SEC23IP: variants seen among roughly 807,000 people sequenced by gnomAD.
The protein encoded by SEC23IP is SEC23 interacting protein.
A neutral mutation model predicts 113.4 loss-of-function variants in SEC23IP; 70 were observed. The ratio of observed to expected loss-of-function variants is 0.62; its 90% CI spans 0.51 to 0.75. The LOEUF is 0.75. Among genes scored for constraint, SEC23IP ranks in the 30% least tolerant of loss-of-function variants. The probability of loss-of-function intolerance (pLI) is 0.00; values close to 1 mark genes in which losing one functional copy is unlikely to be tolerated. For missense variants in SEC23IP, 1,160 were observed against 1,204.9 expected, an observed-to-expected ratio of 0.96 and a Z score of 0.55; for synonymous variants, 398 against 421.0, an observed-to-expected ratio of 0.95 and a Z score of 0.67.
chr10:119,933,223 A>C lies in SEC23IP; in HGVS notation c.2921+56A>C, dbSNP rs1198330715. On this transcript the variant is annotated intron_variant, in intron 17 of 18. Coordinates refer to ENST00000369075, the MANE Select transcript of SEC23IP (RefSeq NM_007190.4). ...GTGGGCTTTTGGTGCTAGCACGTGC[A>C]GCAATTTTAGTTTTAGTGAGATTCT... 4 of 1,447,806 alleles carry C rather than the reference A, an allele frequency of 2.8e-6. No homozygotes were observed. In the East Asian group the frequency reaches 9.1e-5, roughly 33 times the overall value. 89.7% of individuals were successfully genotyped at this position (1,447,806 alleles called of 1,614,324 possible).
intron 2 of SEC23IP, among the ~76,000 whole-genome samples, chr10:119,899,822 A>G (rs1854417216): frequency 6.6e-6 from 1 of 152,236 alleles, no homozygotes; most frequent in Non-Finnish European, 1.5e-5. Flanking sequence ...TTAAAAAATG[A>G]TAATTTCAAA....
At position 119,911,720 on chromosome 10, in the gene SEC23IP, C is replaced by T. The variant is rs996910251; in HGVS notation, c.1192-324C>T. Reference sequence around the variant, plus strand: ...GAACGCCTGGGCTCAAGTGATCCTCCCACCTCAGCCTCCCAAAGTGCTGGG... The same window carrying T: ...GAACGCCTGGGCTCAAGTGATCCTCTCACCTCAGCCTCCCAAAGTGCTGGG... On this transcript the variant is annotated intron_variant, in intron 5 of 18. Transcript: ENST00000369075. Among the ~76,000 whole-genome samples, 6 of 152,130 alleles carry T rather than the reference C, an allele frequency of 3.9e-5. No homozygotes were observed. In the East Asian group the frequency reaches 1.2e-3, roughly 29 times the overall value.
chr10:119,898,301 G>A (rs1564903500), intron 1 of SEC23IP, 126 bp from the exon 2 acceptor site: 1 of 1,348,488 alleles, frequency 7.4e-7, no homozygotes, highest in African/African-American at 1.5e-5. Context: ...GTTTTTTTCT[G>A]TAATGCAGAA....
At position 119,943,528 on chromosome 10, in the gene SEC23IP, T is replaced by C. The variant is rs983505566; in HGVS notation, c.*2963T>C. On this transcript the variant is annotated 3_prime_UTR_variant, in exon 19 of 19. Coordinates refer to ENST00000369075, the MANE Select transcript of SEC23IP (RefSeq NM_007190.4). Reference sequence around the variant, plus strand: ...TTGCTTGAACCCAGGAGGTGGAGGTTGCAGTGAGTTGGGATCTCGCCACTG... The same window carrying C: ...TTGCTTGAACCCAGGAGGTGGAGGTCGCAGTGAGTTGGGATCTCGCCACTG... 2.0e-5 allele frequency: 3 copies of C among 152,168 alleles called. No homozygotes were observed. The highest frequency in any genetic ancestry group is 7.2e-5 in the African/African-American group (3 of 41,412). The allele number at this position is 152,168 out of a possible 1,614,324, so 9.4% of individuals were successfully genotyped here.
Position 119,897,937 on chromosome 10 carries a change from G to A in SEC23IP, c.164-490G>A, listed in dbSNP as rs183287100. Among the ~76,000 whole-genome samples the A allele has an allele frequency of 7.9e-5, 12 of 151,374 alleles. No individual in the cohort carries two copies. The South Asian group carries it at 1.2e-3, about 16-fold the overall frequency. On this transcript the variant is annotated intron_variant, in intron 1 of 18. Transcript: ENST00000369075. ...GGAGAATGGCGTGAACCTGGGAGGC[G>A]GAGCTTGCAGTGAGCTGAGATTGCG...
chr10:119,910,807 G>A (rs190572737), intron 5 of SEC23IP, among the ~76,000 whole-genome samples: 83 of 151,556 alleles, frequency 5.5e-4, no homozygotes, highest in African/African-American at 9.0e-4. Context: ...TCAGCCTCCC[G>A]AGTAGCTAGG....
intron 11 of SEC23IP, 91 bp downstream of exon 11, chr10:119,919,687 C>T (rs1855180897): frequency 1.0e-6 from 1 of 996,372 alleles, no homozygotes; most frequent in Non-Finnish European, 1.4e-6. Context: ...TCAAAATACA[C>T]TCCAGAGTAG....
At chr10:119,898,399 A>G (rs1193006926) in intron 1 of SEC23IP, 28 bp from the exon 2 acceptor site, 19 of 1,586,028 alleles carry the variant, frequency 1.2e-5, no homozygotes, top group Middle Eastern at 1.7e-4. Flanking sequence ...GTACCCTTTA[A>G]ACCACATGCT....
chr10:119,924,399 GCTTTTCT>G (rs1855352063), intron 12 of SEC23IP, among the ~76,000 whole-genome samples: 2 of 151,874 alleles, frequency 1.3e-5, no homozygotes, highest in Non-Finnish European at 2.9e-5. Flanking sequence ...AGTGTGAATG[GCTTTTCT>G]CTCGTTATAG....
Position 119,918,654 on chromosome 10 carries a change from G to A in SEC23IP, c.1872+143G>A, listed in dbSNP as rs1441513565. On this transcript the variant is annotated intron_variant, in intron 10 of 18. Coordinates refer to ENST00000369075, the MANE Select transcript of SEC23IP (RefSeq NM_007190.4). ...TTAACTGAGCCTCATTGGTTGCTTG[G>A]GCTAGTCTTGAGTTCCCTCCTGGCC... The A allele has an allele frequency of 9.4e-6, 6 of 635,084 alleles. No individual in the cohort carries two copies. In the African/African-American group the frequency reaches 1.1e-4, roughly 12 times the overall value. 39.3% of individuals were successfully genotyped at this position (635,084 alleles called of 1,614,324 possible). A position where few individuals can be genotyped will look rare whatever the true frequency, so the allele number is the denominator to read the frequency against.
intron 1 of SEC23IP, among the ~76,000 whole-genome samples, chr10:119,896,848 C>T (rs1012013166): frequency 7.9e-5 from 12 of 151,398 alleles, no homozygotes; most frequent in African/African-American, 2.9e-4. Context: ...GTGAGGGTCA[C>T]TGACCTGAAA....
At chr10:119,922,223 C>T (rs1466226347) in intron 12 of SEC23IP, among the ~76,000 whole-genome samples, 1 of 152,002 alleles carries the variant, frequency 6.6e-6, no homozygotes, top group African/African-American at 2.4e-5. Flanking sequence ...GGTGATGGTG[C>T]TTGAGCTTGA....
At chr10:119,910,902 C>G (rs373780990) in intron 5 of SEC23IP, among the ~76,000 whole-genome samples, 1 of 151,846 alleles carries the variant, frequency 6.6e-6, no homozygotes, top group Admixed American at 6.6e-5. Context: ...CCAGGCTGGT[C>G]TTGAACTCTT....
At chr10:119,895,363 G>T (rs1320804934) in intron 1 of SEC23IP, among the ~76,000 whole-genome samples, 2 of 152,156 alleles carry the variant, frequency 1.3e-5, no homozygotes, top group Non-Finnish European at 2.9e-5. Context: ...GGGCGACAGA[G>T]TGAGACTCCA....
At chr10:119,925,495 C>G (rs928241062) in intron 12 of SEC23IP, among the ~76,000 whole-genome samples, 2 of 152,048 alleles carry the variant, frequency 1.3e-5, no homozygotes, top group Non-Finnish European at 2.9e-5. Context: ...CATTTGTTCC[C>G]TAAATATTTA....
intron 12 of SEC23IP, 42 bp downstream of exon 12, chr10:119,921,026 T>G: frequency 7.3e-7 from 1 of 1,370,970 alleles, no homozygotes; most frequent in Non-Finnish European, 1.0e-6. Context: ...AAACTCATGG[T>G]GTGACCAGCT....
intron 12 of SEC23IP, among the ~76,000 whole-genome samples, chr10:119,921,201 T>C (rs2134503005): frequency 6.6e-6 from 1 of 152,330 alleles, no homozygotes; most frequent in Middle Eastern, 3.4e-3. Flanking sequence ...TGGGACTAAG[T>C]TCCTAGGATG....
intron 16 of SEC23IP, 91 bp downstream of exon 16, chr10:119,932,409 A>T: frequency 3.0e-6 from 3 of 1,004,908 alleles, no homozygotes; most frequent in Non-Finnish European, 4.3e-6. Context: ...TCCTTTCTAG[A>T]CTTTTTGGTT....
chr10:119,938,924 C>T (rs188201461), intron 18 of SEC23IP, among the ~76,000 whole-genome samples: 422 of 152,266 alleles, frequency 2.8e-3, no homozygotes, highest in Non-Finnish European at 4.9e-3. Flanking sequence ...AACAATTATT[C>T]TATACATAGT....
Sources: allele counts gnomAD v4.1 joint callset (sites outside exome capture counted in the v4.1 genomes callset), GRCh38; gene constraint gnomAD v4.1.1; transcripts MANE v1.5; gene names NCBI Gene and HGNC (gene_info 2026-07-23, HGNC 2026-07-21).